The following YARS1 variants were observed in gnomAD, a reference collection of about 807,000 sequenced individuals.
The protein encoded by YARS1 is tyrosine--tRNA ligase, cytoplasmic.
Under a neutral mutation model 62.2 loss-of-function variants are expected in YARS1, and 36 were observed. The observed-to-expected ratio is 0.58, with a 90% confidence interval of 0.44 to 0.76. The LOEUF (loss-of-function observed/expected upper bound fraction) is 0.76, where lower values mean the gene tolerates loss of function less well. Ranked by LOEUF, YARS1 falls within the 30% of genes least tolerant of loss-of-function variation. The probability of loss-of-function intolerance (pLI) is 0.00; values close to 1 mark genes in which losing one functional copy is unlikely to be tolerated. For synonymous variants in YARS1, 234 were observed against 244.9 expected, an observed-to-expected ratio of 0.96 and a Z score of 0.42; for missense variants, 524 against 639.8, an observed-to-expected ratio of 0.82 and a Z score of 1.95.
chr1:32,804,400 G>A (rs559814391), intron 4 of YARS1, among the ~76,000 whole-genome samples: 6 of 151,116 alleles, frequency 4.0e-5, no homozygotes, highest in East Asian at 2.0e-4. Context: ...TGGACAGGGC[G>A]GCTGGCCGGG....
intron 5 of YARS1, chr1:32,797,548 G>A: frequency 1.7e-6 from 1 of 587,414 alleles, no homozygotes; most frequent in East Asian, 2.9e-5. Flanking sequence ...GGGCTCTGGA[G>A]TTTGAAAGAT....
At chr1:32,781,465 T>C in intron 9 of YARS1, 1 of 350,522 alleles carries the variant, frequency 2.9e-6, no homozygotes, top group Non-Finnish European at 5.4e-6. Context: ...ACACCTGTAA[T>C]TCTAGCACTT....
intron 12 of YARS1, among the ~76,000 whole-genome samples, chr1:32,777,774 T>A (rs956011570): frequency 6.6e-6 from 1 of 152,150 alleles, no homozygotes; most frequent in Non-Finnish European, 1.5e-5. Flanking sequence ...GGAATCCAGC[T>A]TGGGTGACAA....
intron 3 of YARS1, 24 bp from the exon 4 acceptor site, chr1:32,806,635 CAG>C: frequency 6.2e-7 from 1 of 1,614,072 alleles, no homozygotes; most frequent in Non-Finnish European, 8.5e-7. Flanking sequence ...GAAGAGGGGA[CAG>C]CTGTAAACCT....
intron 3 of YARS1, among the ~76,000 whole-genome samples, chr1:32,807,511 C>T (rs557499090): frequency 1.3e-3 from 194 of 151,976 alleles, no homozygotes; most frequent in African/African-American, 4.2e-3. Flanking sequence ...GGCTGGAACA[C>T]AGTGGTGTGA....
intron 4 of YARS1, among the ~76,000 whole-genome samples, chr1:32,802,538 C>T (rs2148612640): frequency 6.6e-6 from 1 of 152,246 alleles, no homozygotes; most frequent in East Asian, 1.9e-4. Context: ...GTTGAAATCA[C>T]TCCTTGATCC....
chr1:32,796,382 C>T (rs1314963534), intron 5 of YARS1, among the ~76,000 whole-genome samples: 18 of 139,896 alleles, frequency 1.3e-4, no homozygotes, highest in African/African-American at 3.8e-4. Flanking sequence ...TTTTTTTTTT[C>T]AGAGACAAGG....
chr1:32,811,476 A>C, intron 1 of YARS1: 1 of 308,084 alleles, frequency 3.2e-6, no homozygotes, highest in South Asian at 3.1e-5. Flanking sequence ...ATGGTACCCA[A>C]AGCCTCCGCG....
At chr1:32,808,410 G>C (rs1022708168) in intron 3 of YARS1, among the ~76,000 whole-genome samples, 3 of 151,472 alleles carry the variant, frequency 2.0e-5, no homozygotes, top group South Asian at 4.2e-4. Context: ...GTAGAGATGG[G>C]GTTTCACCAT....
chr1:32,816,521 G>A (rs939882599), intron 1 of YARS1, among the ~76,000 whole-genome samples: 3 of 152,138 alleles, frequency 2.0e-5, no homozygotes, highest in African/African-American at 7.2e-5. Flanking sequence ...AAAAGTTAAG[G>A]GGTAAGCAAT....
chr1:32,813,794 G>A (rs1050774689), intron 1 of YARS1, among the ~76,000 whole-genome samples: 3 of 152,056 alleles, frequency 2.0e-5, no homozygotes, highest in Admixed American at 2.0e-4. Context: ...ATCTTGCTAA[G>A]ATCACAGAAG....
At chr1:32,792,500 T>G (rs1569735194) in intron 5 of YARS1, among the ~76,000 whole-genome samples, 1 of 152,150 alleles carries the variant, frequency 6.6e-6, no homozygotes, top group Admixed American at 6.6e-5. Flanking sequence ...CAGAGAAAAG[T>G]GGCTGACAGT....
At position 32,810,956 on chromosome 1, in the gene YARS1, AAAGT is replaced by A. The variant is rs1557466987; in HGVS notation, c.155_158del (p.Tyr52LeufsTer11). 6.2e-7 allele frequency: 1 copy of A among 1,614,164 alleles called. No individual in the cohort carries two copies. The highest frequency in any genetic ancestry group is 8.5e-7 in the Non-Finnish European group (1 of 1,180,016). ...AGTCTGCAATCTTTGACATGGGCAC[AAAGT>A]AAGCCACATGTGGTTTGCCCGTGGT... On this transcript the variant is annotated frameshift_variant, in exon 2 of 13. Transcript: ENST00000373477. LOFTEE classifies it high-confidence loss of function.
intron 5 of YARS1, among the ~76,000 whole-genome samples, chr1:32,796,994 AAATATATATATATATATAT>A (rs1653612742): frequency 2.3e-4 from 4 of 17,356 alleles, no homozygotes; most frequent in East Asian, 2.0e-3. Context: ...AAAAAAAAAA[AAATATATATATATATATAT>A]ATATATATAT....
chr1:32,815,923 C>T (rs969455768), intron 1 of YARS1, among the ~76,000 whole-genome samples: 1 of 152,034 alleles, frequency 6.6e-6, no homozygotes, highest in African/African-American at 2.4e-5. Flanking sequence ...CCCTGGCTAA[C>T]ACGGTGAAAC....
At position 32,779,459 on chromosome 1, in the gene YARS1, C is replaced by T. The variant is rs1488474765; in HGVS notation, c.1399G>A (p.Val467Met). The T allele has an allele frequency of 5.6e-6, 9 of 1,614,092 alleles. No individual in the cohort carries two copies. Among genetic ancestry groups the T allele is most frequent in the Middle Eastern group, 1.6e-4 (1 of 6,084 alleles). Residue 467 changes from valine to methionine, a missense_variant, in exon 12 of 13, where the codon GTG becomes ATG. Physicochemically the swap from Val to Met is conservative, Grantham distance 21. Transcript: ENST00000373477. ...CCCTTTTCATAGCCCTTCACAAACACGTGCTCACCAGGAGCAGAGCCTGCC... is the reference window on the plus strand; with the variant it reads ...CCCTTTTCATAGCCCTTCACAAACATGTGCTCACCAGGAGCAGAGCCTGCC... The part of the protein sequence containing the change: ...PPAGSAPGEH[V>M]FVKGYEKGQP...
At chr1:32,804,600 G>C (rs1273533813) in intron 4 of YARS1, among the ~76,000 whole-genome samples, 1 of 151,592 alleles carries the variant, frequency 6.6e-6, no homozygotes, top group African/African-American at 2.4e-5. Context: ...AGACCGGGTC[G>C]CGGCCGGACA....
chr1:32,786,454 G>A lies in YARS1; in HGVS notation c.821-7C>T, dbSNP rs372082251. The A allele has an allele frequency of 1.8e-4, 285 of 1,612,640 alleles. No homozygotes were observed. Among genetic ancestry groups the A allele is most frequent in the Non-Finnish European group, 2.3e-4 (268 of 1,179,144 alleles). ...TCTCGTAGGATCACAAACTCTATAA[G>A]GAAAAGGATCCATGTCAACAAACTC... On this transcript the variant is annotated splice_polypyrimidine_tract_variant and splice_region_variant and intron_variant, in intron 7 of 12. Coordinates refer to ENST00000373477, the MANE Select transcript of YARS1 (RefSeq NM_003680.4).
Position 32,775,923 on chromosome 1 carries a change from G to A in YARS1, c.*58C>T. The A allele has an allele frequency of 7.0e-7, 1 of 1,432,848 alleles. No individual in the cohort carries two copies. The highest frequency in any genetic ancestry group is 1.7e-5 in the Admixed American group (1 of 59,504). The allele number at this position is 1,432,848 out of a possible 1,614,324, so 88.8% of individuals were successfully genotyped here. ...GGGTAAATGGGTGATGGATGGAGCAGACTGAAGAGACAGCAGATGACTCAG... is the reference window on the plus strand; with the variant it reads ...GGGTAAATGGGTGATGGATGGAGCAAACTGAAGAGACAGCAGATGACTCAG... On this transcript the variant is annotated 3_prime_UTR_variant, in exon 13 of 13. Coordinates refer to ENST00000373477, the MANE Select transcript of YARS1 (RefSeq NM_003680.4).
Sources: allele counts gnomAD v4.1 joint callset (sites outside exome capture counted in the v4.1 genomes callset), GRCh38; gene constraint gnomAD v4.1.1; transcripts MANE v1.5; gene names NCBI Gene and HGNC (gene_info 2026-07-23, HGNC 2026-07-21).